The following KMT2D variants were observed in gnomAD, a reference collection of about 807,000 sequenced individuals.
The protein encoded by KMT2D is lysine methyltransferase 2D, also known as histone-lysine N-methyltransferase 2D.
A neutral mutation model predicts 512.7 loss-of-function variants in KMT2D; 55 were observed. The ratio of observed to expected loss-of-function variants is 0.11; its 90% confidence interval spans 0.09 to 0.13. The LOEUF (loss-of-function observed/expected upper bound fraction) is 0.13. KMT2D is among the 10% of genes least tolerant of loss of function. The probability of loss-of-function intolerance (pLI) is 1.00; values close to 1 mark genes in which losing one functional copy is unlikely to be tolerated. For missense variants in KMT2D, 6,061 were observed against 7,127.9 expected, an observed-to-expected ratio of 0.85 and a Z score of 5.39; for synonymous variants, 2,995 against 2,904.0, an observed-to-expected ratio of 1.03 and a Z score of -1.01.
At position 49,053,487 on chromosome 12, in the gene KMT2D, G is replaced by A. The variant is rs1179683526; in HGVS notation, c.828C>T (p.Cys276=). Residue 276 remains cysteine, a synonymous_variant, in exon 7 of 55, where the codon TGC becomes TGT. Transcript: ENST00000301067. ...AGWQCPECKV[C]QACRKPGNDS... is the part of the protein sequence containing the mutation. ...CCTTCCATTCCTACCTGCAGGCTTG[G>A]CACACTTTGCATTCAGGGCACTGCC... 1.9e-6 allele frequency: 3 copies of A among 1,610,290 alleles called. No individual in the cohort carries two copies. Among genetic ancestry groups the A allele is most frequent in the Non-Finnish European group, 2.5e-6 (3 of 1,178,220 alleles).
At position 49,028,059 on chromosome 12, in the gene KMT2D, C is replaced by A. The variant is rs752995340; in HGVS notation, c.14465G>T (p.Ser4822Ile). 6.2e-7 allele frequency: 1 copy of A among 1,613,902 alleles called. No individual in the cohort carries two copies. Among genetic ancestry groups the A allele is most frequent in the African/African-American group, 1.3e-5 (1 of 74,946 alleles). ...PNSYEVLFPESPARAGTEPKK... is the reference protein window; with the variant it reads ...PNSYEVLFPEIPARAGTEPKK... ...TGGCTCAGTGCCTGCCCGGGCGGGG[C>A]TCTCTGGGAACAGCACCTCATAGGA... The change falls in exon 47 of 55, where the codon AGC becomes ATC. Residue 4822 changes from serine (S) to isoleucine (I), a missense_variant. By Grantham distance (142) the Ser-to-Ile change is moderately radical. This residue lies in a region of KMT2D where 1,600 missense variants were observed against 1,754.9 expected (regional missense o/e 0.91). Transcript: ENST00000301067.
rs1942865587 is a variant in KMT2D, at chr12:49,030,777, G to A, written c.13672-9C>T. 1.2e-6 allele frequency: 2 copies of A among 1,613,390 alleles called. No homozygotes were observed. Among genetic ancestry groups the A allele is most frequent in the Non-Finnish European group, 8.5e-7 (1 of 1,179,720 alleles). ...GGCAGCAGGGACAGCTCCTACAAGG[G>A]GCAAGATGACAAAGTTCAAAACCTG... is the stretch of plus-strand genomic sequence containing the variant. On this transcript the variant is annotated splice_polypyrimidine_tract_variant and intron_variant, in intron 41 of 54. Coordinates refer to ENST00000301067, the MANE Select transcript of KMT2D (RefSeq NM_003482.4).
In KMT2D at chr12:49,024,060, G is replaced by A. The variant is rs1942452418; in HGVS notation, c.16052+518C>T. ...ACCACCTGCCCTACCTACCTCATAA[G>A]GTTGTTGTGAGGATCAAATGAGATA... On this transcript the variant is annotated intron_variant, in intron 51 of 54. Transcript: ENST00000301067. This position sits in a 1 kb window ranked among gnomAD's most constrained non-coding sequence, Gnocchi z 4.5. The A allele has an allele frequency of 2.2e-6, 1 of 455,810 alleles. No individual in the cohort carries two copies. Among genetic ancestry groups the A allele is most frequent in the South Asian group, 1.6e-5 (1 of 64,416 alleles). 28.2% of individuals were successfully genotyped at this position (455,810 alleles called of 1,614,324 possible).
rs2120687577 is a variant in KMT2D at position 49,052,440 on chromosome 12, C to T, written c.1259-16G>A. On this transcript the variant is annotated splice_polypyrimidine_tract_variant and intron_variant, in intron 10 of 54. Coordinates refer to ENST00000301067, the MANE Select transcript of KMT2D (RefSeq NM_003482.4). ...CCTGCTTTCCCTGCAGACACAACAA[C>T]ACGATGCTCCTATCTAGCTCAGATC... The T allele has an allele frequency of 6.5e-7, 1 of 1,541,782 alleles. No individual in the cohort carries two copies. Among genetic ancestry groups the T allele is most frequent in the Non-Finnish European group, 8.8e-7 (1 of 1,141,504 alleles).
rs371685892 is a variant in KMT2D at position 49,043,393 on chromosome 12, G to C, written c.5503C>G (p.Arg1835Gly). Residue 1835 changes from arginine (R) to glycine (G), a missense_variant, in exon 25 of 55, where the codon CGT becomes GGT. By Grantham distance (125) the Arg-to-Gly change is moderately radical. Coordinates refer to ENST00000301067, the MANE Select transcript of KMT2D (RefSeq NM_003482.4). The part of the protein sequence containing the change: ...DGPDIADEES[R>G]GLEGKADTPG... ...GTATCGGCTTTGCCCTCGAGGCCACGGGATTCTTCATCTGCAATATCTGGA... is the reference window on the plus strand; with the variant it reads ...GTATCGGCTTTGCCCTCGAGGCCACCGGATTCTTCATCTGCAATATCTGGA... 6.2e-7 allele frequency: 1 copy of C among 1,613,914 alleles called. No homozygotes were observed. The highest frequency in any genetic ancestry group is 1.7e-5 in the Admixed American group (1 of 60,020).
rs1251781113 is a variant in KMT2D, at chr12:49,019,867, C to G, written c.*1913G>C. 2.3e-5 allele frequency: 5 copies of G among 220,874 alleles called. No homozygotes were observed. Among genetic ancestry groups the G allele is most frequent in the African/African-American group, 1.1e-4 (5 of 44,276 alleles). 13.7% of individuals were successfully genotyped at this position (220,874 alleles called of 1,614,324 possible). A position where few individuals can be genotyped will look rare whatever the true frequency, so the allele number is the denominator to read the frequency against. ...AATTCAAAACAAAACAAAAACAAAC[C>G]TAAAATCACAACAGCGACCAAGCTC... On this transcript the variant is annotated 3_prime_UTR_variant, in exon 55 of 55. Coordinates refer to ENST00000301067, the MANE Select transcript of KMT2D (RefSeq NM_003482.4).
At chr12:49,030,209 G>A (rs898494077) in intron 43 of KMT2D, 71 bp downstream of exon 43, 41 of 1,363,330 alleles carry the variant, frequency 3.0e-5, no homozygotes, top group Non-Finnish European at 3.6e-5. Flanking sequence ...TTTCTAAACT[G>A]TACAGCATAC....
rs1942920820 is a variant in KMT2D at position 49,031,712 on chromosome 12, G to A, written c.12993C>T (p.Pro4331=). 10 of 1,613,004 alleles carry A rather than the reference G, an allele frequency of 6.2e-6. No individual in the cohort carries two copies. Among genetic ancestry groups the A allele is most frequent in the Non-Finnish European group, 8.5e-6 (10 of 1,179,530 alleles). ...GGGTGGGAGGGAGCTGGGCCTCAGT[G>A]GGAAGCTGGGAGCTGGGGGAAGGTA... ...SQLPSPSSQL[P]TEAQLPPTHP... The change falls in exon 40 of 55, where the codon CCC becomes CCT. Residue 4331 remains proline (P), a synonymous_variant. Coordinates refer to ENST00000301067, the MANE Select transcript of KMT2D (RefSeq NM_003482.4).
chr12:49,037,150 C>G lies in KMT2D; in HGVS notation c.10206G>C (p.Leu3402=), dbSNP rs776321392. 32 of 1,581,358 alleles carry G rather than the reference C, an allele frequency of 2.0e-5. No individual in the cohort carries two copies. The Admixed American group carries it at 5.5e-4, about 27-fold the overall frequency. Residue 3402 remains leucine, a synonymous_variant, in exon 35 of 55, where the codon CTG becomes CTC. Transcript: ENST00000301067. Reference sequence around the variant, plus strand: ...CTGTATCTGGGAAGAAGCTGTTTGCCAGCTGCTGCTGCATTGCCAATTGCT... The same window carrying G: ...CTGTATCTGGGAAGAAGCTGTTTGCGAGCTGCTGCTGCATTGCCAATTGCT... ...KPQQLAMQQQ[L]ANSFFPDTDL...
chr12:49,037,771 C>G lies in KMT2D; in HGVS notation c.9585G>C (p.Leu3195=), dbSNP rs1357777196. The change falls in exon 35 of 55, where the codon CTG becomes CTC. Residue 3195 remains leucine (L), a synonymous_variant. Coordinates refer to ENST00000301067, the MANE Select transcript of KMT2D (RefSeq NM_003482.4). The part of the protein sequence containing the change: ...FGATGGPPAH[L]LTPSPLSGPG... ...GGCCACTCAGTGGGCTGGGGGTCAG[C>G]AGGTGAGCTGGTGGTCCTCCCGTGG... 1.2e-5 allele frequency: 19 copies of G among 1,594,502 alleles called. No individual in the cohort carries two copies. Among genetic ancestry groups the G allele is most frequent in the Admixed American group, 1.7e-5 (1 of 57,174 alleles).
Position 49,052,384 on chromosome 12 carries a change from G to A in KMT2D, c.1299C>T (p.Pro433=), listed in dbSNP as rs1404228890. The part of the protein sequence containing the change: ...GVQLEPQLEA[P]LNEEMPLLPP... ...GCAGCAGTGGCATCTCCTCGTTTAGGGGGGCCTCCAACTGGGGCTCAAGTT... is the reference window on the plus strand; with the variant it reads ...GCAGCAGTGGCATCTCCTCGTTTAGAGGGGCCTCCAACTGGGGCTCAAGTT... Residue 433 remains proline (P), a synonymous_variant, in exon 11 of 55, where the codon CCC becomes CCT. Transcript: ENST00000301067. The A allele has an allele frequency of 6.5e-7, 1 of 1,541,618 alleles. No homozygotes were observed. Among genetic ancestry groups the A allele is most frequent in the Admixed American group, 2.0e-5 (1 of 51,010 alleles).
At chr12:49,048,889 A>C (rs1413496697) in intron 13 of KMT2D, 120 bp from the exon 14 acceptor site, 2 of 748,272 alleles carry the variant, frequency 2.7e-6, no homozygotes, top group East Asian at 4.9e-5. Context: ...GCCAAAAGCC[A>C]GGAATAACAG....
At chr12:49,053,790 T>TA in intron 6 of KMT2D, 149 bp from the exon 7 acceptor site, 3 of 1,131,348 alleles carry the variant, frequency 2.7e-6, no homozygotes, top group South Asian at 3.2e-5. Context: ...GCTACTGTTC[T>TA]AGGCACTGGA....
chr12:49,034,044 G>A, intron 39 of KMT2D, 23 bp downstream of exon 39: 1 of 1,604,818 alleles, frequency 6.2e-7, no homozygotes, highest in Non-Finnish European at 8.5e-7. Context: ...CTGGGTGCTA[G>A]GCTGAAGTTT....
intron 1 of KMT2D, among the ~76,000 whole-genome samples, chr12:49,055,903 A>G (rs1050677657): frequency 2.0e-5 from 3 of 152,160 alleles, no homozygotes; most frequent in African/African-American, 7.2e-5. Flanking sequence ...CTATGGATGG[A>G]TCTCCCCCAC....
rs755482753 is a variant in KMT2D at position 49,037,189 on chromosome 12, C to A, written c.10167G>T (p.Met3389Ile). The change falls in exon 35 of 55, where the codon ATG (methionine) becomes ATT (isoleucine). Residue 3389 changes from methionine (M) to isoleucine (I), a missense_variant. Physicochemically the swap from Met to Ile is conservative, Grantham distance 10. Coordinates refer to ENST00000301067, the MANE Select transcript of KMT2D (RefSeq NM_003482.4). ...TTGCCAATTGCTGCGGCTTCATGCA[C>A]ATGGAAGGTGGCATGGTGCCCATGG... is the stretch of plus-strand genomic sequence containing the variant. ...QKPMGTMPPS[M>I]CMKPQQLAMQ... The A allele has an allele frequency of 6.2e-7, 1 of 1,605,948 alleles. No individual in the cohort carries two copies.
At position 49,050,577 on chromosome 12, in the gene KMT2D, G is replaced by T. The variant is rs750548555; in HGVS notation, c.3011C>A (p.Ser1004Tyr). Residue 1004 changes from serine (S) to tyrosine (Y), a missense_variant, in exon 12 of 55, where the codon TCT becomes TAT. Ser to Tyr is a moderately radical substitution (Grantham distance 144). This residue lies in a region of KMT2D where 447 missense variants were observed against 500.1 expected (regional missense o/e 0.89). Transcript: ENST00000301067. ...AGCCGGCCCCACTGGGGAGCCTGGA[G>T]ATGGGGGAAGGATCATAGGGGGGAC... is the stretch of plus-strand genomic sequence containing the variant. ...EPVPPMILPPSPGSPVGPASP... is the reference protein window; with the variant it reads ...EPVPPMILPPYPGSPVGPASP... 5.6e-6 allele frequency: 9 copies of T among 1,604,256 alleles called. No homozygotes were observed. The highest frequency in any genetic ancestry group is 7.7e-6 in the Non-Finnish European group (9 of 1,172,862).
rs1943264682 is a variant in KMT2D, at chr12:49,037,230, C to T, written c.10126G>A (p.Val3376Met). 1 of 1,613,556 alleles carries T rather than the reference C, an allele frequency of 6.2e-7. No individual in the cohort carries two copies. Residue 3376 changes from valine (V) to methionine (M), a missense_variant, in exon 35 of 55, where the codon GTG (valine) becomes ATG (methionine). Around this residue, in one of 16 missense-constraint regions of KMT2D, gnomAD observed 533 missense variants for 539.6 expected, o/e 0.99. Coordinates refer to ENST00000301067, the MANE Select transcript of KMT2D (RefSeq NM_003482.4). ...GLVPQQSSQP[V>M]LSQKPMGTMP... Reference sequence around the variant, plus strand: ...GTGCCCATGGGCTTCTGTGATAGCACTGGCTGTGAGCTCTGCTGGGGTACC... The same window carrying T: ...GTGCCCATGGGCTTCTGTGATAGCATTGGCTGTGAGCTCTGCTGGGGTACC...
At chr12:49,023,930 G>C in intron 51 of KMT2D, 1 of 378,704 alleles carries the variant, frequency 2.6e-6, no homozygotes, top group Non-Finnish European at 5.1e-6. Flanking sequence ...GAAAGAACAA[G>C]GACCTGCAGT....
Sources: allele counts gnomAD v4.1 joint callset (sites outside exome capture counted in the v4.1 genomes callset), GRCh38; gene constraint gnomAD v4.1.1; regional missense constraint gnomAD v4.1.1; non-coding constraint Gnocchi (gnomAD v3.1); transcripts MANE v1.5; gene names NCBI Gene and HGNC (gene_info 2026-07-23, HGNC 2026-07-21).